PASD1: variants seen among roughly 807,000 people sequenced by gnomAD.
PASD1 encodes circadian clock protein PASD1.
PASD1 carries 13 observed loss-of-function variants against 58.8 expected under a neutral mutation model. The observed-to-expected ratio is 0.22, with a 90% CI of 0.14 to 0.35. The LOEUF is 0.35. Among genes scored for constraint, PASD1 ranks in the 10% least tolerant of loss-of-function variants. PASD1 has a pLI of 1.00. For synonymous variants in PASD1, 236 were observed against 216.7 expected (o/e 1.09, Z -0.78); for missense variants, 734 against 568.3 (o/e 1.29, Z -2.96).
chrX:151,647,505 TAAC>T (rs942465306), intron 8 of PASD1, among the ~76,000 whole-genome samples: 2 of 109,113 alleles, frequency 1.8e-5, no homozygotes, highest in African/African-American at 3.3e-5. Context: ...AAATTAATAT[TAAC>T]AACATAAAAT....
At chrX:151,656,405 G>C (rs1172143662) in intron 9 of PASD1, among the ~76,000 whole-genome samples, 1 of 111,832 alleles carries the variant, frequency 8.9e-6, no homozygotes, top group East Asian at 2.8e-4. Context: ...GTCATTGGTA[G>C]CTTGATGGGG....
At chrX:151,620,898 T>C in intron 4 of PASD1, 32 bp from the exon 5 acceptor site, 1 of 1,095,525 alleles carries the variant, frequency 9.1e-7, no homozygotes, top group Non-Finnish European at 1.3e-6. Flanking sequence ...CCCTCCTTTT[T>C]CCCTCCACCT....
In PASD1 at chrX:151,671,139, G is replaced by T; in HGVS notation, c.1173G>T (p.Leu391=). The T allele has an allele frequency of 1.7e-6, 2 of 1,211,912 alleles. No homozygotes were observed. Among genetic ancestry groups the T allele is most frequent in the Non-Finnish European group, 2.2e-6 (2 of 895,503 alleles). ...KEQLEERTWL[L]HDAIQNQQNA... ...AGCTAGAAGAGAGGACTTGGTTGCT[G>T]CATGATGCCATCCAAAACCAGCAGA... The change falls in exon 12 of 16, where the codon CTG becomes CTT. Residue 391 remains leucine, a synonymous_variant. Transcript: ENST00000370357.
At chrX:151,669,254 T>C (rs1244230181) in intron 11 of PASD1, among the ~76,000 whole-genome samples, 2 of 106,951 alleles carry the variant, frequency 1.9e-5, no homozygotes, top group Admixed American at 2.1e-4. Flanking sequence ...ATATATACTA[T>C]GTATAGTGTA....
intron 4 of PASD1, among the ~76,000 whole-genome samples, chrX:151,614,695 A>G (rs1385000142): frequency 8.9e-6 from 1 of 112,168 alleles, no homozygotes; most frequent in Non-Finnish European, 1.9e-5. Context: ...ATAGTACTCA[A>G]ATTTGGAACA....
chrX:151,647,009 T>C (rs2014069041), intron 8 of PASD1, among the ~76,000 whole-genome samples: 1 of 112,050 alleles, frequency 8.9e-6, no homozygotes, highest in Non-Finnish European at 1.9e-5. Context: ...ATTTCAGTCT[T>C]GAGTGACTGG....
At chrX:151,661,659 G>T (rs991085090) in intron 10 of PASD1, among the ~76,000 whole-genome samples, 4 of 111,157 alleles carry the variant, frequency 3.6e-5, no homozygotes, top group Non-Finnish European at 5.7e-5. Context: ...CCAGAAAGTT[G>T]TTTTTCTGTT....
intron 4 of PASD1, among the ~76,000 whole-genome samples, chrX:151,615,699 A>C (rs988332652): frequency 2.7e-5 from 3 of 111,920 alleles, no homozygotes; most frequent in Admixed American, 9.5e-5. Flanking sequence ...ATATCAGGGC[A>C]CCTCTGTCTA....
rs147268290 is a variant in PASD1 at position 151,588,221 on chromosome X, C to G, written c.-27-13306C>G. 5.9e-3 allele frequency among the ~76,000 whole-genome samples: 661 copies of G among 112,098 alleles called. 5 individuals are homozygous for G. The highest frequency in any genetic ancestry group is 0.02 in the African/African-American group (633 of 30,887). ...GTTTATAAAGAGTGTGTACGTGTCT[C>G]TCTCTATAGAAAGACAGAGTTGATC... On this transcript the variant is annotated intron_variant, in intron 1 of 15. Coordinates refer to ENST00000370357, the MANE Select transcript of PASD1 (RefSeq NM_173493.3).
intron 9 of PASD1, among the ~76,000 whole-genome samples, chrX:151,656,522 T>C (rs1330135664): frequency 9.0e-6 from 1 of 111,481 alleles, no homozygotes; most frequent in Non-Finnish European, 1.9e-5. Context: ...TTTGTGTCCT[T>C]TTTTATTTCG....
intron 11 of PASD1, among the ~76,000 whole-genome samples, chrX:151,668,133 G>A (rs1257162785): frequency 9.0e-6 from 1 of 110,916 alleles, no homozygotes; most frequent in Non-Finnish European, 1.9e-5. Flanking sequence ...TATGATATTG[G>A]CTGTGCGCTT....
chrX:151,668,628 A>G lies in PASD1; in HGVS notation c.1072-2410A>G, dbSNP rs190163939. On this transcript the variant is annotated intron_variant, in intron 11 of 15. Transcript: ENST00000370357. ...TCTAGAAGAAATGGATAAATTCCTC[A>G]ACACATGCACCCTCCCAAGACTAAA... Among the ~76,000 whole-genome samples, 949 of 111,333 alleles carry G rather than the reference A, an allele frequency of 8.5e-3. 8 individuals carry two copies. The highest frequency in any genetic ancestry group is 0.03 in the African/African-American group (909 of 30,570).
chrX:151,648,809 C>T, intron 9 of PASD1, 107 bp downstream of exon 9: 1 of 893,116 alleles, frequency 1.1e-6, no homozygotes, highest in Non-Finnish European at 1.6e-6. Flanking sequence ...GGATGTGACA[C>T]ATGAGCAGTG....
At chrX:151,584,485 C>CT (rs1193458556) in intron 1 of PASD1, among the ~76,000 whole-genome samples, 1 of 111,694 alleles carries the variant, frequency 9.0e-6, no homozygotes, top group African/African-American at 3.3e-5. Flanking sequence ...ATTAATTTTC[C>CT]TTTTTCAGGA....
At chrX:151,660,199 G>T (rs1253069332) in intron 10 of PASD1, among the ~76,000 whole-genome samples, 3 of 111,751 alleles carry the variant, frequency 2.7e-5, no homozygotes. Flanking sequence ...TGCCAATAAA[G>T]GGGGAAAGTG....
At chrX:151,653,180 G>A (rs866237153) in intron 9 of PASD1, among the ~76,000 whole-genome samples, 4 of 97,559 alleles carry the variant, frequency 4.1e-5, no homozygotes, top group Non-Finnish European at 6.3e-5. Context: ...GTGTGTGTGT[G>A]TATATATATA....
At chrX:151,594,936 C>T (rs1451409354) in intron 1 of PASD1, among the ~76,000 whole-genome samples, 1 of 111,359 alleles carries the variant, frequency 9.0e-6, no homozygotes, top group African/African-American at 3.3e-5. Flanking sequence ...ATTTTCCAAC[C>T]CCCCCTTCCC....
chrX:151,627,458 T>C lies in PASD1; in HGVS notation c.629+1928T>C, dbSNP rs191102509. Reference sequence around the variant, plus strand: ...CCTGTGAGTGAGGACATGCAGTGTTTGGTTTTTTGTCCTTGCCATAGTTTG... The same window carrying C: ...CCTGTGAGTGAGGACATGCAGTGTTCGGTTTTTTGTCCTTGCCATAGTTTG... On this transcript the variant is annotated intron_variant, in intron 8 of 15. Coordinates refer to ENST00000370357, the MANE Select transcript of PASD1 (RefSeq NM_173493.3). Among the ~76,000 whole-genome samples the C allele has an allele frequency of 1.4e-4, 15 of 110,517 alleles. No homozygotes were observed. The East Asian group carries it at 4.0e-3, about 30-fold the overall frequency.
rs143028483 is a variant in PASD1, at chrX:151,595,456, C to T, written c.-27-6071C>T. Among the ~76,000 whole-genome samples, 571 of 110,910 alleles carry T rather than the reference C, an allele frequency of 5.1e-3. 4 individuals are homozygous for T. Among genetic ancestry groups the T allele is most frequent in the African/African-American group, 0.018 (537 of 30,178 alleles). On this transcript the variant is annotated intron_variant, in intron 1 of 15. Coordinates refer to ENST00000370357, the MANE Select transcript of PASD1 (RefSeq NM_173493.3). Reference sequence around the variant, plus strand: ...CTTGCAGGCCGGGCGCAGTGGCTTACGCCTGTAATCCCAGGACTTTGGGAG... The same window carrying T: ...CTTGCAGGCCGGGCGCAGTGGCTTATGCCTGTAATCCCAGGACTTTGGGAG...
Sources: allele counts gnomAD v4.1 joint callset (sites outside exome capture counted in the v4.1 genomes callset), GRCh38; gene constraint gnomAD v4.1.1; transcripts MANE v1.5; gene names NCBI Gene and HGNC (gene_info 2026-07-23, HGNC 2026-07-21).